Variants in SGCZ observed in about 807,000 individuals in gnomAD.
SGCZ encodes sarcoglycan zeta, also known as zeta-sarcoglycan.
SGCZ carries 40 observed loss-of-function variants against 41.3 expected under a neutral mutation model. The ratio of observed to expected loss-of-function variants is 0.97; its 90% CI spans 0.75 to 1.26. The LOEUF (loss-of-function observed/expected upper bound fraction) is 1.26. Among genes scored for constraint, SGCZ ranks in the 50% most tolerant of loss-of-function variants. The pLI is 0.00. For synonymous variants in SGCZ, 206 were observed against 137.5 expected (o/e 1.50, Z -3.49); for missense variants, 552 against 369.8 (o/e 1.49, Z -4.04).
At chr8:14,697,434 A>G (rs1183143896) in intron 1 of SGCZ, among the ~76,000 whole-genome samples, 1 of 152,104 alleles carries the variant, frequency 6.6e-6, no homozygotes, top group Non-Finnish European at 1.5e-5. Context: ...TATCTTTAAA[A>G]TATATTATTT....
intron 1 of SGCZ, among the ~76,000 whole-genome samples, chr8:14,760,675 C>T (rs73531159): frequency 0.043 from 6,511 of 152,192 alleles, 189 homozygotes; most frequent in South Asian, 0.12. Context: ...CTTGACAACT[C>T]TCCTATATTC....
chr8:14,929,038 C>A (rs1799847876), intron 1 of SGCZ, among the ~76,000 whole-genome samples: 1 of 152,172 alleles, frequency 6.6e-6, no homozygotes, highest in African/African-American at 2.4e-5. Context: ...GTTGCCCAGA[C>A]TGGAGTGCAG....
intron 2 of SGCZ, among the ~76,000 whole-genome samples, chr8:14,455,446 T>C (rs1385009146): frequency 2.2e-5 from 3 of 134,144 alleles, no homozygotes; most frequent in African/African-American, 5.8e-5. Flanking sequence ...GAAGGGACAT[T>C]TGCATGCATA....
rs79844394 is a variant in SGCZ, at chr8:14,473,637, A to G, written c.234+81095T>C. ...GAACTGAAATCTTATATGTCAACAG[A>G]AGTAAAAAATGAAAAAGCGGCCGGG... On this transcript the variant is annotated intron_variant, in intron 2 of 7. Transcript: ENST00000382080. 1.1e-3 allele frequency among the ~76,000 whole-genome samples: 168 copies of G among 152,230 alleles called. 4 individuals are homozygous for G. In the East Asian group the frequency reaches 0.026, roughly 24 times the overall value.
At chr8:14,820,841 G>C (rs1162291994) in intron 1 of SGCZ, among the ~76,000 whole-genome samples, 1 of 149,524 alleles carries the variant, frequency 6.7e-6, no homozygotes, top group Non-Finnish European at 1.5e-5. Context: ...GCATTCCTAA[G>C]AGGGAGGTTA....
chr8:14,916,297 A>G (rs529260104), intron 1 of SGCZ, among the ~76,000 whole-genome samples: 5 of 152,346 alleles, frequency 3.3e-5, no homozygotes, highest in South Asian at 4.1e-4. Context: ...TGAAGATTAT[A>G]TACATATAGC....
chr8:14,969,624 A>C (rs76522180), intron 1 of SGCZ, among the ~76,000 whole-genome samples: 10,468 of 151,912 alleles, frequency 0.069, 536 homozygotes, highest in African/African-American at 0.13. Context: ...CTTTTATATA[A>C]ATGGAATCAT....
chr8:14,375,421 T>C (rs947576640), intron 2 of SGCZ, among the ~76,000 whole-genome samples: 32 of 152,156 alleles, frequency 2.1e-4, no homozygotes, highest in Non-Finnish European at 4.3e-4. Flanking sequence ...ATCAAGAACA[T>C]AATTATTAGG....
chr8:14,645,860 T>A (rs1215158080), intron 1 of SGCZ, among the ~76,000 whole-genome samples: 3 of 151,792 alleles, frequency 2.0e-5, no homozygotes, highest in Non-Finnish European at 2.9e-5. Flanking sequence ...AAAGCATTGT[T>A]TTACTCAATT....
At chr8:14,187,745 A>G (rs1804953437) in intron 4 of SGCZ, among the ~76,000 whole-genome samples, 1 of 152,144 alleles carries the variant, frequency 6.6e-6, no homozygotes, top group East Asian at 1.9e-4. Flanking sequence ...GGAATACCGG[A>G]GTAGAGGAAA....
intron 5 of SGCZ, among the ~76,000 whole-genome samples, chr8:14,121,266 A>G (rs1203771168): frequency 2.0e-5 from 3 of 151,918 alleles, no homozygotes; most frequent in Non-Finnish European, 4.4e-5. Context: ...AATATATAAT[A>G]TTAAATATTA....
At chr8:14,926,971 A>G (rs2410228) in intron 1 of SGCZ, among the ~76,000 whole-genome samples, 5,300 of 152,088 alleles carry the variant, frequency 0.035, 306 homozygotes, top group African/African-American at 0.12. Flanking sequence ...AATGACATCA[A>G]AAGTCTTTCC....
chr8:14,211,302 C>T (rs76716768), intron 4 of SGCZ, among the ~76,000 whole-genome samples: 5,857 of 152,174 alleles, frequency 0.038, 124 homozygotes, highest in Middle Eastern at 0.092. Flanking sequence ...CTCCTCCACT[C>T]ATGAACTCTA....
At chr8:14,887,946 G>A (rs1236325220) in intron 1 of SGCZ, among the ~76,000 whole-genome samples, 2 of 152,090 alleles carry the variant, frequency 1.3e-5, no homozygotes, top group African/African-American at 4.8e-5. Context: ...GGAAGATGTT[G>A]CTCAAAGGGT....
intron 2 of SGCZ, among the ~76,000 whole-genome samples, chr8:14,399,290 T>C (rs1461797606): frequency 6.6e-6 from 1 of 152,128 alleles, no homozygotes; most frequent in Non-Finnish European, 1.5e-5. Context: ...CATAATTGCT[T>C]AGATGACTAG....
chr8:14,809,083 G>A (rs981144917), intron 1 of SGCZ, among the ~76,000 whole-genome samples: 7 of 147,130 alleles, frequency 4.8e-5, no homozygotes, highest in Non-Finnish European at 1.0e-4. Context: ...ACTGTTGTGG[G>A]GTGGGTGGAG....
At chr8:15,041,602 T>C (rs766152972) in intron 1 of SGCZ, among the ~76,000 whole-genome samples, 2 of 152,116 alleles carry the variant, frequency 1.3e-5, no homozygotes, top group Non-Finnish European at 2.9e-5. Context: ...AGAGTATTTG[T>C]TGCAGAGAAA....
intron 2 of SGCZ, among the ~76,000 whole-genome samples, chr8:14,347,217 A>C (rs997430150): frequency 1.3e-5 from 2 of 152,116 alleles, no homozygotes; most frequent in Non-Finnish European, 2.9e-5. Context: ...CTGGCATCAG[A>C]AAGACTTCAT....
At chr8:15,076,520 C>T (rs1805535996) in intron 1 of SGCZ, among the ~76,000 whole-genome samples, 1 of 152,178 alleles carries the variant, frequency 6.6e-6, no homozygotes, top group African/African-American at 2.4e-5. Flanking sequence ...AGTCTGAACA[C>T]ACCATCCCTT....
Sources: gnomAD v4.1 joint callset for allele counts (sites outside exome capture counted in the v4.1 genomes callset) on GRCh38, gnomAD v4.1.1 for gene constraint, MANE v1.5 for transcripts, NCBI Gene and HGNC (gene_info 2026-07-23, HGNC 2026-07-21) for gene names.